The following NELL1 variants were observed in gnomAD, a reference collection of about 807,000 sequenced individuals.
NELL1 encodes neural EGFL like 1, also known as protein kinase C-binding protein NELL1.
Under a neutral mutation model 107.4 loss-of-function variants are expected in NELL1, and 76 were observed. The observed-to-expected ratio is 0.71, with a 90% CI of 0.59 to 0.86. NELL1 has a LOEUF of 0.86. NELL1 is among the 40% of genes least tolerant of loss of function. NELL1 has a pLI of 0.00. For missense variants in NELL1, 1,024 were observed against 1,005.5 expected, an observed-to-expected ratio of 1.02 and a Z score of -0.25; for synonymous variants, 353 against 341.2, an observed-to-expected ratio of 1.03 and a Z score of -0.38.
At chr11:21,437,720 T>C (rs1853160977) in intron 15 of NELL1, among the ~76,000 whole-genome samples, 1 of 152,240 alleles carries the variant, frequency 6.6e-6, no homozygotes, top group African/African-American at 2.4e-5. Context: ...AAATTGTTTT[T>C]TATGCATGAT....
chr11:20,856,043 G>A (rs79064058), intron 4 of NELL1, among the ~76,000 whole-genome samples: 2,351 of 152,318 alleles, frequency 0.015, 55 homozygotes, highest in African/African-American at 0.053. Flanking sequence ...ATAGCAGCCA[G>A]AGCTGTTGGA....
At chr11:21,496,884 T>A (rs1035968031) in intron 15 of NELL1, among the ~76,000 whole-genome samples, 2 of 152,172 alleles carry the variant, frequency 1.3e-5, no homozygotes, top group Admixed American at 1.3e-4. Context: ...TGTTTGGTTT[T>A]TTTGTCCTTG....
At chr11:21,313,441 C>G (rs1565162571) in intron 14 of NELL1, among the ~76,000 whole-genome samples, 2 of 152,122 alleles carry the variant, frequency 1.3e-5, no homozygotes, top group African/African-American at 2.4e-5. Context: ...AGGCATTCAA[C>G]AAACACTTCT....
rs1474124029 is a variant in NELL1, at chr11:21,364,401, ACT to A, written c.1550-6449_1550-6448del. ...ATTCCAGCCTGGGAGACACAGCAAG[ACT>A]CTGTCTCAAAAAAAAAAAAAAAAAA... On this transcript the variant is annotated intron_variant, in intron 14 of 19. Coordinates refer to ENST00000357134, the MANE Select transcript of NELL1 (RefSeq NM_006157.5). 1.5e-3 allele frequency among the ~76,000 whole-genome samples: 168 copies of A among 111,124 alleles called. 1 individual carries two copies. Among genetic ancestry groups the A allele is most frequent in the Non-Finnish European group, 1.5e-3 (87 of 59,782 alleles). The allele number at this position is 111,124 out of a possible 152,430, so 72.9% of individuals were successfully genotyped here.
At chr11:21,051,484 G>C (rs1275005396) in intron 12 of NELL1, among the ~76,000 whole-genome samples, 1 of 151,904 alleles carries the variant, frequency 6.6e-6, no homozygotes, top group Non-Finnish European at 1.5e-5. Context: ...TACCACTAAA[G>C]GACTTATTAA....
chr11:21,315,861 TTGGTGG>T (rs148401464), intron 14 of NELL1, among the ~76,000 whole-genome samples: 7 of 150,998 alleles, frequency 4.6e-5, no homozygotes, highest in African/African-American at 9.7e-5. Flanking sequence ...TTTGAATGTG[TTGGTGG>T]TGGTGGTGGT....
intron 5 of NELL1, among the ~76,000 whole-genome samples, chr11:20,902,292 A>G (rs930408806): frequency 2.6e-5 from 4 of 152,074 alleles, no homozygotes; most frequent in African/African-American, 9.7e-5. Context: ...TTTTAACTCA[A>G]TAGGAAGTCA....
At chr11:21,491,516 G>A (rs1180998576) in intron 15 of NELL1, among the ~76,000 whole-genome samples, 16 of 152,122 alleles carry the variant, frequency 1.1e-4, no homozygotes, top group African/African-American at 2.7e-4. Context: ...GTAGATAAGC[G>A]GCGCTATTTC....
At chr11:21,323,259 A>G (rs932573509) in intron 14 of NELL1, among the ~76,000 whole-genome samples, 2 of 152,216 alleles carry the variant, frequency 1.3e-5, no homozygotes, top group Non-Finnish European at 2.9e-5. Context: ...GATCTCAGAC[A>G]GTGACTACAT....
chr11:20,759,611 C>A (rs1418298628), intron 2 of NELL1, among the ~76,000 whole-genome samples: 1 of 152,222 alleles, frequency 6.6e-6, no homozygotes, highest in African/African-American at 2.4e-5. Flanking sequence ...GCTTCATCCA[C>A]CACTGGGCAG....
intron 5 of NELL1, among the ~76,000 whole-genome samples, chr11:20,889,403 G>A (rs1849572307): frequency 6.6e-6 from 1 of 152,154 alleles, no homozygotes; most frequent in African/African-American, 2.4e-5. Context: ...ATTGTCATTT[G>A]AGAATGAGTG....
intron 14 of NELL1, among the ~76,000 whole-genome samples, chr11:21,268,385 T>G (rs1848675465): frequency 6.6e-6 from 1 of 152,136 alleles, no homozygotes; most frequent in Admixed American, 6.5e-5. Flanking sequence ...CATTCTGTTC[T>G]TAACAAAACC....
intron 13 of NELL1, among the ~76,000 whole-genome samples, chr11:21,172,958 T>C (rs893529143): frequency 1.3e-5 from 2 of 151,500 alleles, no homozygotes; most frequent in Non-Finnish European, 2.9e-5. Context: ...GTGATGCTAC[T>C]TTGATTTATA....
intron 12 of NELL1, among the ~76,000 whole-genome samples, chr11:21,080,813 A>C: frequency 6.6e-6 from 1 of 152,088 alleles, no homozygotes; most frequent in East Asian, 1.9e-4. Flanking sequence ...GTAACATATG[A>C]TAGTACATCT....
intron 4 of NELL1, among the ~76,000 whole-genome samples, chr11:20,849,566 AT>A (rs1848760332): frequency 1.3e-5 from 2 of 152,306 alleles, no homozygotes; most frequent in South Asian, 4.1e-4. Context: ...TTTATAAAGA[AT>A]TGACTGAGGG....
intron 5 of NELL1, among the ~76,000 whole-genome samples, chr11:20,909,325 T>A (rs140580061): frequency 2.8e-4 from 42 of 152,114 alleles, no homozygotes; most frequent in Non-Finnish European, 4.7e-4. Context: ...TGGAAAATTT[T>A]AAAAAAACAA....
intron 14 of NELL1, among the ~76,000 whole-genome samples, chr11:21,232,485 A>AGAG (rs542718829): frequency 2.0e-5 from 3 of 152,180 alleles, no homozygotes; most frequent in Non-Finnish European, 4.4e-5. Context: ...AGAAGAAGAA[A>AGAG]GAGGAGGAGG....
At chr11:21,441,743 A>G (rs1158137743) in intron 15 of NELL1, among the ~76,000 whole-genome samples, 2 of 152,152 alleles carry the variant, frequency 1.3e-5, no homozygotes, top group East Asian at 3.8e-4. Context: ...TTGGGTTGAT[A>G]AGGTCTGACA....
intron 4 of NELL1, among the ~76,000 whole-genome samples, chr11:20,853,703 A>G (rs1257906110): frequency 6.6e-6 from 1 of 152,234 alleles, no homozygotes; most frequent in Non-Finnish European, 1.5e-5. Flanking sequence ...ATAGTGGCTT[A>G]TATCCCATGG....
Sources: gnomAD v4.1 joint callset for allele counts (sites outside exome capture counted in the v4.1 genomes callset) on GRCh38, gnomAD v4.1.1 for gene constraint, MANE v1.5 for transcripts, NCBI Gene and HGNC (gene_info 2026-07-23, HGNC 2026-07-21) for gene names.